The following HRH1 variants were observed in gnomAD, a reference collection of about 807,000 sequenced individuals.
HRH1 encodes histamine H1 receptor.
Under a neutral mutation model 10.3 loss-of-function variants are expected in HRH1, and 6 were observed. The observed-to-expected ratio is 0.58, with a 90% confidence interval of 0.32 to 1.15. The LOEUF is 1.15. Among genes scored for constraint, HRH1 ranks in the 50% most tolerant of loss-of-function variants. The pLI, the probability that HRH1 is intolerant of heterozygous loss-of-function variation, is 0.05. For synonymous variants in HRH1, 242 were observed against 236.7 expected, an observed-to-expected ratio of 1.02 and a Z score of -0.21; for missense variants, 514 against 615.3, an observed-to-expected ratio of 0.84 and a Z score of 1.74.
intron 1 of HRH1, among the ~76,000 whole-genome samples, chr3:11,248,629 G>T (rs1033370263): frequency 6.6e-6 from 1 of 152,340 alleles, no homozygotes; most frequent in Admixed American, 6.5e-5. Context: ...TGATTGGTAA[G>T]CTCTTGAAAA....
intron 1 of HRH1, among the ~76,000 whole-genome samples, chr3:11,250,996 C>G (rs346076): frequency 6.6e-6 from 1 of 152,040 alleles, no homozygotes; most frequent in African/African-American, 2.4e-5. Context: ...CAATACCTCT[C>G]GCATGAAGGG....
intron 1 of HRH1, among the ~76,000 whole-genome samples, chr3:11,235,061 A>G (rs1939142317): frequency 6.6e-6 from 1 of 152,054 alleles, no homozygotes; most frequent in African/African-American, 2.4e-5. Context: ...TAAAAATGCA[A>G]AAAATTAGCT....
intron 1 of HRH1, among the ~76,000 whole-genome samples, chr3:11,232,719 G>A (rs750855493): frequency 6.6e-6 from 1 of 152,072 alleles, no homozygotes; most frequent in African/African-American, 2.4e-5. Context: ...ACGTTAATTT[G>A]GGAAGAATTG....
At chr3:11,187,709 A>G (rs1937472871) in intron 1 of HRH1, among the ~76,000 whole-genome samples, 1 of 152,156 alleles carries the variant, frequency 6.6e-6, no homozygotes, top group Admixed American at 6.5e-5. Flanking sequence ...GGAAGCATCA[A>G]TCCTCAATCC....
At chr3:11,192,845 TGTC>T (rs1937573670) in intron 1 of HRH1, among the ~76,000 whole-genome samples, 1 of 152,184 alleles carries the variant, frequency 6.6e-6, no homozygotes, top group Non-Finnish European at 1.5e-5. Context: ...TATAGTTCTC[TGTC>T]CCTTCATCCA....
At position 11,259,283 on chromosome 3, in the gene HRH1, T is replaced by C; in HGVS notation, c.246T>C (p.Pro82=). ...TGATCGTGGGTGCCGTCGTCATGCC[T>C]ATGAACATCCTCTACCTGCTCATGT... The part of the protein sequence containing the change: ...ADLIVGAVVM[P]MNILYLLMSK... The change falls in exon 2 of 2, where the codon CCT becomes CCC. Residue 82 remains proline (P), a synonymous_variant. Coordinates refer to ENST00000431010, the MANE Select transcript of HRH1 (RefSeq NM_001098212.2). This position sits in a 1 kb window ranked among gnomAD's most constrained non-coding sequence, Gnocchi z 4.6. 1 of 1,613,674 alleles carries C rather than the reference T, an allele frequency of 6.2e-7. No homozygotes were observed. Among genetic ancestry groups the C allele is most frequent in the Non-Finnish European group, 8.5e-7 (1 of 1,179,946 alleles).
chr3:11,156,152 T>A (rs1396385598), intron 1 of HRH1, among the ~76,000 whole-genome samples: 1 of 152,090 alleles, frequency 6.6e-6, no homozygotes, highest in East Asian at 1.9e-4. Flanking sequence ...CCCATGTAAA[T>A]CCTCGAGTGT....
intron 1 of HRH1, among the ~76,000 whole-genome samples, chr3:11,198,560 T>C (rs1937764415): frequency 6.6e-6 from 1 of 151,404 alleles, no homozygotes; most frequent in Admixed American, 6.6e-5. Context: ...AAAAGGAGAG[T>C]GAGGACTTCC....
chr3:11,146,752 G>T (rs1936456330), intron 1 of HRH1, among the ~76,000 whole-genome samples: 1 of 152,188 alleles, frequency 6.6e-6, no homozygotes. Flanking sequence ...GAAACGAATG[G>T]GTGTTTGGGG....
At chr3:11,180,324 G>A (rs559902258) in intron 1 of HRH1, among the ~76,000 whole-genome samples, 4 of 152,216 alleles carry the variant, frequency 2.6e-5, no homozygotes, top group South Asian at 2.1e-4. Context: ...CCACGGACGG[G>A]GGTTGAAGGG....
intron 1 of HRH1, among the ~76,000 whole-genome samples, chr3:11,184,004 G>T (rs757187360): frequency 1.3e-5 from 2 of 151,882 alleles, no homozygotes; most frequent in Admixed American, 6.6e-5. Context: ...CCATGCCTGG[G>T]ACCTCCTAAG....
Position 11,210,797 on chromosome 3 carries a change from G to GAA in HRH1, c.-35-48192_-35-48191dup, listed in dbSNP as rs59390388. 1.6e-3 allele frequency among the ~76,000 whole-genome samples: 213 copies of GAA among 135,324 alleles called. 1 individual carries two copies. Among genetic ancestry groups the GAA allele is most frequent in the Middle Eastern group, 3.9e-3 (1 of 258 alleles). The allele number at this position is 135,324 out of a possible 152,430, so 88.8% of individuals were successfully genotyped here. A position where few individuals can be genotyped will look rare whatever the true frequency, so the allele number is the denominator to read the frequency against. ...AACAGAGCAAGATCCTGTCTCAAAA[G>GAA]AAAAAAAAAAAAAAAGCAGCTGTTG... On this transcript the variant is annotated intron_variant, in intron 1 of 1. Transcript: ENST00000431010.
intron 1 of HRH1, among the ~76,000 whole-genome samples, chr3:11,211,998 A>C (rs1938341969): frequency 6.6e-6 from 1 of 152,168 alleles, no homozygotes; most frequent in Non-Finnish European, 1.5e-5. Context: ...CTCCCAAGTC[A>C]GAATAGCTGG....
chr3:11,259,090 A>G lies in HRH1; in HGVS notation c.53A>G (p.Asn18Ser), dbSNP rs1939861894. The change falls in exon 2 of 2, where the codon AAC becomes AGC. Residue 18 changes from asparagine to serine, a missense_variant. Transcript: ENST00000431010. The surrounding 1 kb of genome is among the most constrained non-coding windows in gnomAD (Gnocchi z 4.6). ...CLLEDKMCEGNKTTMASPQLM... is the reference protein window; with the variant it reads ...CLLEDKMCEGSKTTMASPQLM... Reference sequence around the variant, plus strand: ...TTAGAAGACAAGATGTGTGAGGGCAACAAGACCACTATGGCCAGCCCCCAG... The same window carrying G: ...TTAGAAGACAAGATGTGTGAGGGCAGCAAGACCACTATGGCCAGCCCCCAG... 6.2e-7 allele frequency: 1 copy of G among 1,613,204 alleles called. No homozygotes were observed. Among genetic ancestry groups the G allele is most frequent in the Non-Finnish European group, 8.5e-7 (1 of 1,179,620 alleles).
In HRH1 at chr3:11,259,162, T is replaced by C; in HGVS notation, c.125T>C (p.Val42Ala). 6.2e-7 allele frequency: 1 copy of C among 1,613,828 alleles called. No homozygotes were observed. The highest frequency in any genetic ancestry group is 8.5e-7 in the Non-Finnish European group (1 of 1,180,014). Reference protein sequence around the residue: ...VVLSTICLVTVGLNLLVLYAV... With the variant: ...VVLSTICLVTAGLNLLVLYAV... ...CTGAGCACTATCTGCTTGGTCACAG[T>C]AGGGCTCAACCTGCTGGTGCTGTAT... Residue 42 changes from valine to alanine, a missense_variant, in exon 2 of 2, where the codon GTA becomes GCA. By Grantham distance (64) the Val-to-Ala change is moderately conservative. Transcript: ENST00000431010. This position sits in a 1 kb window ranked among gnomAD's most constrained non-coding sequence, Gnocchi z 4.6.
rs763185123 is a variant in HRH1 at position 11,260,553 on chromosome 3, A to C, written c.*52A>C. 6.6e-7 allele frequency: 1 copy of C among 1,504,552 alleles called. No individual in the cohort carries two copies. The highest frequency in any genetic ancestry group is 2.1e-5 in the Admixed American group (1 of 47,158). 93.2% of individuals were successfully genotyped at this position (1,504,552 alleles called of 1,614,324 possible). A position where few individuals can be genotyped will look rare whatever the true frequency, so the allele number is the denominator to read the frequency against. On this transcript the variant is annotated 3_prime_UTR_variant, in exon 2 of 2. Transcript: ENST00000431010. The stretch of plus-strand genomic sequence containing the variant: ...ATGATCCTTATGATGTCCAACAAGG[A>C]AATAGAGGACGAAGGCCTGTGTGTT...
intron 1 of HRH1, among the ~76,000 whole-genome samples, chr3:11,198,820 G>A (rs1937778392): frequency 6.6e-6 from 1 of 150,988 alleles, no homozygotes; most frequent in Non-Finnish European, 1.5e-5. Flanking sequence ...AGTTAAGAAT[G>A]TACACTGTGG....
chr3:11,224,264 C>T (rs1336637700), intron 1 of HRH1, among the ~76,000 whole-genome samples: 1 of 151,796 alleles, frequency 6.6e-6, no homozygotes, highest in Non-Finnish European at 1.5e-5. Flanking sequence ...CATAAATGAT[C>T]ACAGTACAGA....
intron 1 of HRH1, among the ~76,000 whole-genome samples, chr3:11,255,218 T>G (rs1442949623): frequency 6.6e-6 from 1 of 152,114 alleles, no homozygotes; most frequent in Non-Finnish European, 1.5e-5. Flanking sequence ...GCACTCCAGC[T>G]TGGGCAATGA....
Sources: gnomAD v4.1 joint callset for allele counts (sites outside exome capture counted in the v4.1 genomes callset) on GRCh38, gnomAD v4.1.1 for gene constraint, Gnocchi (gnomAD v3.1) non-coding constraint, MANE v1.5 for transcripts, NCBI Gene and HGNC (gene_info 2026-07-23, HGNC 2026-07-21) for gene names.